The following PARD3 variants were observed in gnomAD, a reference collection of about 807,000 sequenced individuals.
PARD3 encodes par-3 family cell polarity regulator.
PARD3 carries 75 observed loss-of-function variants against 155.4 expected under a neutral mutation model. That is an observed-to-expected ratio of 0.48 (90% CI 0.40 to 0.58). PARD3 has a LOEUF of 0.58. Among genes scored for constraint, PARD3 ranks in the 20% least tolerant of loss-of-function variants. The probability of loss-of-function intolerance (pLI) is 0.00; values close to 1 mark genes in which losing one functional copy is unlikely to be tolerated. For missense variants in PARD3, 1,642 were observed against 1,721.7 expected (o/e 0.95, Z 0.82); for synonymous variants, 576 against 610.5 (o/e 0.94, Z 0.83).
chr10:34,255,039 G>A (rs1331853921), intron 22 of PARD3, among the ~76,000 whole-genome samples: 1 of 152,106 alleles, frequency 6.6e-6, no homozygotes, highest in Non-Finnish European at 1.5e-5. Flanking sequence ...TTACAAAGCA[G>A]GTATTTTTTA....
Position 34,705,331 on chromosome 10 carries a change from T to A in PARD3, c.121-8912A>T, listed in dbSNP as rs77082071. Among the ~76,000 whole-genome samples, 565 of 152,050 alleles carry A rather than the reference T, an allele frequency of 3.7e-3. 2 individuals are homozygous for A. The highest frequency in any genetic ancestry group is 0.013 in the African/African-American group (544 of 41,468). The stretch of plus-strand genomic sequence containing the variant: ...AGTTTTTTCTTGTTGTTATTTTTGG[T>A]TTTTTAATTAGCTGGGCATGGTGGT... On this transcript the variant is annotated intron_variant, in intron 1 of 24. Coordinates refer to ENST00000374788, the MANE Select transcript of PARD3 (RefSeq NM_001184785.2).
At chr10:34,144,643 G>A (rs552654008) in intron 22 of PARD3, among the ~76,000 whole-genome samples, 1 of 152,224 alleles carries the variant, frequency 6.6e-6, no homozygotes, top group Non-Finnish European at 1.5e-5. Flanking sequence ...ATTTATTACT[G>A]TTAAACACAC....
chr10:34,303,177 T>A (rs1012547818), intron 20 of PARD3, among the ~76,000 whole-genome samples: 5 of 151,552 alleles, frequency 3.3e-5, no homozygotes, highest in Non-Finnish European at 7.4e-5. Context: ...TTTTTTTTTT[T>A]TTTTTGTGCA....
intron 12 of PARD3, among the ~76,000 whole-genome samples, chr10:34,367,455 C>T (rs1417093424): frequency 1.3e-5 from 2 of 152,174 alleles, no homozygotes; most frequent in African/African-American, 4.8e-5. Flanking sequence ...CCTGTAATCC[C>T]GGCACTTTGG....
chr10:34,345,065 G>A, intron 15 of PARD3: 1 of 983,152 alleles, frequency 1.0e-6, no homozygotes, highest in Non-Finnish European at 1.2e-6. Flanking sequence ...TACAGATGTA[G>A]ATAATTATAA....
rs528808856 is a variant in PARD3 at position 34,426,751 on chromosome 10, G to C, written c.714+23566C>G. On this transcript the variant is annotated intron_variant, in intron 5 of 24. Coordinates refer to ENST00000374788, the MANE Select transcript of PARD3 (RefSeq NM_001184785.2). ...TAAAAGATGAGTCACAACCAGAAAA[G>C]GAAGTAGAAGAAGAGCAATCCCAGA... The C allele has an allele frequency of 2.6e-4, 40 of 152,248 alleles. 1 individual carries two copies. The highest frequency in any genetic ancestry group is 7.5e-4 in the African/African-American group (31 of 41,526). The allele number at this position is 152,248 out of a possible 1,614,324, so 9.4% of individuals were successfully genotyped here. A position where few individuals can be genotyped will look rare whatever the true frequency, so the allele number is the denominator to read the frequency against.
intron 2 of PARD3, among the ~76,000 whole-genome samples, chr10:34,673,877 G>C (rs932702359): frequency 4.6e-5 from 7 of 151,770 alleles, no homozygotes; most frequent in Non-Finnish European, 7.4e-5. Context: ...TGTGATCCCA[G>C]CTATGTGGGA....
At chr10:34,654,199 A>G (rs1375360708) in intron 2 of PARD3, among the ~76,000 whole-genome samples, 1 of 152,136 alleles carries the variant, frequency 6.6e-6, no homozygotes, top group Non-Finnish European at 1.5e-5. Flanking sequence ...TCAAAGAACT[A>G]CTGTAAACAT....
intron 3 of PARD3, among the ~76,000 whole-genome samples, chr10:34,505,565 T>C (rs1282829128): frequency 1.3e-5 from 2 of 152,120 alleles, no homozygotes; most frequent in Admixed American, 1.3e-4. Flanking sequence ...ACGGGCCACA[T>C]GTCAAGGCTC....
In PARD3 at chr10:34,282,329, G is replaced by A. The variant is rs138563250; in HGVS notation, c.3176+1806C>T. On this transcript the variant is annotated intron_variant, in intron 21 of 24. Coordinates refer to ENST00000374788, the MANE Select transcript of PARD3 (RefSeq NM_001184785.2). ...TTTTATTTTAGGCCTCCTGTACATT[G>A]TAAATTCATTATGATCAACCTAGTT... 2.4e-3 allele frequency among the ~76,000 whole-genome samples: 365 copies of A among 152,118 alleles called. 2 individuals carry two copies. Among genetic ancestry groups the A allele is most frequent in the African/African-American group, 8.5e-3 (354 of 41,494 alleles).
chr10:34,444,516 T>C (rs993673461), intron 5 of PARD3, among the ~76,000 whole-genome samples: 3 of 152,188 alleles, frequency 2.0e-5, no homozygotes, highest in Non-Finnish European at 4.4e-5. Context: ...TTCGTTTGTT[T>C]CTTGAGTGTC....
rs770748651 is a variant in PARD3, at chr10:34,247,612, A to T, written c.3419+22045T>A. On this transcript the variant is annotated intron_variant, in intron 22 of 24. Transcript: ENST00000374788. ...ATGCTTCAAATACATGCTAAAGAAC[A>T]TAAAGAAAAACAGGAACATAAAGAG... 2.0e-5 allele frequency among the ~76,000 whole-genome samples: 3 copies of T among 152,324 alleles called. No individual in the cohort carries two copies. The South Asian group carries it at 6.2e-4, about 32-fold the overall frequency.
chr10:34,472,965 T>C (rs2078451670), intron 3 of PARD3, among the ~76,000 whole-genome samples: 1 of 152,176 alleles, frequency 6.6e-6, no homozygotes. Context: ...ACAAAAATAA[T>C]TAGCATTTAT....
intron 20 of PARD3, among the ~76,000 whole-genome samples, chr10:34,300,660 G>T (rs1292466293): frequency 6.6e-6 from 1 of 152,040 alleles, no homozygotes; most frequent in Non-Finnish European, 1.5e-5. Flanking sequence ...CAGGGCTGGG[G>T]GCAATTTTAA....
chr10:34,473,332 A>C (rs2133106656), intron 3 of PARD3, among the ~76,000 whole-genome samples: 1 of 152,274 alleles, frequency 6.6e-6, no homozygotes, highest in East Asian at 1.9e-4. Context: ...CCACTGTCAA[A>C]TTCAGGAAGG....
intron 3 of PARD3, among the ~76,000 whole-genome samples, chr10:34,480,403 T>G (rs988388684): frequency 3.0e-4 from 46 of 152,132 alleles, no homozygotes; most frequent in African/African-American, 1.1e-3. Flanking sequence ...CCCGGTTAAT[T>G]AATTTTTTAT....
intron 22 of PARD3, among the ~76,000 whole-genome samples, chr10:34,250,214 GA>G (rs1229354868): frequency 2.0e-5 from 3 of 148,542 alleles, no homozygotes; most frequent in African/African-American, 5.1e-5. Context: ...GTTAAAAAAA[GA>G]AAAAAAAAGT....
intron 1 of PARD3, among the ~76,000 whole-genome samples, chr10:34,801,261 A>G (rs1842818053): frequency 6.6e-6 from 1 of 152,230 alleles, no homozygotes. Flanking sequence ...AATGTTTACA[A>G]ATAAATACAG....
chr10:34,350,274 CT>C (rs1344546301), intron 14 of PARD3, among the ~76,000 whole-genome samples: 1 of 152,154 alleles, frequency 6.6e-6, no homozygotes, highest in Non-Finnish European at 1.5e-5. Flanking sequence ...CCCAGTGGTC[CT>C]GGGAGAATGG....
Sources: gnomAD v4.1 joint callset for allele counts (sites outside exome capture counted in the v4.1 genomes callset) on GRCh38, gnomAD v4.1.1 for gene constraint, MANE v1.5 for transcripts, NCBI Gene and HGNC (gene_info 2026-07-23, HGNC 2026-07-21) for gene names.